The following FCRL2 variants were observed in gnomAD, a reference collection of about 807,000 sequenced individuals.
FCRL2 encodes Fc receptor like 2, also known as Fc receptor-like protein 2.
A neutral mutation model predicts 59.8 loss-of-function variants in FCRL2; 48 were observed. The ratio of observed to expected loss-of-function variants is 0.80; its 90% CI spans 0.64 to 1.02. FCRL2 has a LOEUF of 1.02. Ranked by LOEUF, FCRL2 falls within the 50% of genes least tolerant of loss-of-function variation. The pLI is 0.00. For synonymous variants in FCRL2, 251 were observed against 229.5 expected (o/e 1.09, Z -0.85); for missense variants, 658 against 597.3 (o/e 1.10, Z -1.06).
chr1:157,769,722 C>G (rs563212540), intron 4 of FCRL2, 144 bp downstream of exon 4: 2 of 1,014,612 alleles, frequency 2.0e-6, no homozygotes, highest in Non-Finnish European at 2.8e-6. Context: ...CCACCGCGCC[C>G]GGCCGCAACC....
chr1:157,770,069 C>T lies in FCRL2; in HGVS notation c.392G>A (p.Arg131Gln), dbSNP rs766083921. 12 of 1,614,018 alleles carry T rather than the reference C, an allele frequency of 7.4e-6. No individual in the cohort carries two copies. The highest frequency in any genetic ancestry group is 1.7e-5 in the Admixed American group (1 of 59,998). Residue 131 changes from arginine (R) to glutamine (Q), a missense_variant, in exon 4 of 12, where the codon CGG becomes CAG. Transcript: ENST00000361516. ...GGPVSLKCETRLSPQRLDVQL... is the reference protein window; with the variant it reads ...GGPVSLKCETQLSPQRLDVQL... The stretch of plus-strand genomic sequence containing the variant: ...AACATCCAACCTCTGTGGAGAGAGC[C>T]GGGTCTCACATTTCAGGCTCACTGG...
At chr1:157,767,622 C>G in intron 5 of FCRL2, 113 bp from the exon 6 acceptor site, 1 of 1,613,532 alleles carries the variant, frequency 6.2e-7, no homozygotes, top group Non-Finnish European at 8.5e-7. Context: ...TGCATATTTT[C>G]CATTCCCACA....
intron 10 of FCRL2, 34 bp from the exon 11 acceptor site, chr1:157,746,933 G>A (rs1418323654): frequency 1.2e-6 from 2 of 1,608,250 alleles, no homozygotes; most frequent in Non-Finnish European, 1.7e-6. Flanking sequence ...CTGAGCTCTT[G>A]CATTCTTAAT....
At chr1:157,761,354 G>A (rs907000114) in intron 7 of FCRL2, among the ~76,000 whole-genome samples, 1 of 152,180 alleles carries the variant, frequency 6.6e-6, no homozygotes, top group African/African-American at 2.4e-5. Context: ...GGTGGCTCAC[G>A]CCTGTAATCT....
chr1:157,753,100 G>A (rs1202222336), intron 7 of FCRL2, among the ~76,000 whole-genome samples: 1 of 152,154 alleles, frequency 6.6e-6, no homozygotes, highest in Non-Finnish European at 1.5e-5. Context: ...GATCTGAATA[G>A]TATCAGATAT....
rs375160209 is a variant in FCRL2, at chr1:157,766,730, G to A, written c.1279+125C>T. 175 of 1,483,882 alleles carry A rather than the reference G, an allele frequency of 1.2e-4. No individual in the cohort carries two copies. The East Asian group carries it at 2.4e-3, about 20-fold the overall frequency. 91.9% of individuals were successfully genotyped at this position (1,483,882 alleles called of 1,614,324 possible). A position where few individuals can be genotyped will look rare whatever the true frequency, so the allele number is the denominator to read the frequency against. ...GCACAGAGCCTTGCAGAATTATGAA[G>A]CATAAAAAGAAATTATTGGCTTTTG... On this transcript the variant is annotated intron_variant, in intron 7 of 11. Coordinates refer to ENST00000361516, the MANE Select transcript of FCRL2 (RefSeq NM_030764.4).
At chr1:157,776,170 C>G (rs886615600) in intron 1 of FCRL2, among the ~76,000 whole-genome samples, 1 of 152,204 alleles carries the variant, frequency 6.6e-6, no homozygotes, top group African/African-American at 2.4e-5. Context: ...AGGAAACATA[C>G]ATTGTGAGAG....
At chr1:157,770,311 A>G (rs750359460) in intron 3 of FCRL2, 98 bp downstream of exon 3, 3 of 1,475,506 alleles carry the variant, frequency 2.0e-6, no homozygotes, top group Non-Finnish European at 2.8e-6. Flanking sequence ...ACTCCCGTCT[A>G]TATTTAGCCC....
chr1:157,750,836 G>T (rs1300619376), intron 7 of FCRL2, among the ~76,000 whole-genome samples: 2 of 152,024 alleles, frequency 1.3e-5, no homozygotes, highest in Admixed American at 1.3e-4. Flanking sequence ...TTTTAAAATG[G>T]ACTTCAAAAA....
rs577204677 is a variant in FCRL2 at position 157,770,112 on chromosome 1, G to A, written c.349C>T (p.Gln117Ter). 1 of 1,614,146 alleles carries A rather than the reference G, an allele frequency of 6.2e-7. No homozygotes were observed. Among genetic ancestry groups the A allele is most frequent in the Non-Finnish European group, 8.5e-7 (1 of 1,180,036 alleles). Residue 117 changes from glutamine to a stop codon, truncating the protein, a stop_gained, in exon 4 of 12, where the codon CAG becomes TAG. Coordinates refer to ENST00000361516, the MANE Select transcript of FCRL2 (RefSeq NM_030764.4). LOFTEE classifies it high-confidence loss of function. ...QRPVLTASSF[Q>*]PIEGGPVSLK... ...CTCACTGGACCCCCTTCGATGGGCTGGAAGGAGCTGGCAGTCAGCACAGGA... is the reference window on the plus strand; with the variant it reads ...CTCACTGGACCCCCTTCGATGGGCTAGAAGGAGCTGGCAGTCAGCACAGGA...
rs1294540835 is a variant in FCRL2, at chr1:157,767,477, A to T, written c.916T>A (p.Ser306Thr). 1 of 1,614,090 alleles carries T rather than the reference A, an allele frequency of 6.2e-7. No homozygotes were observed. Among genetic ancestry groups the T allele is most frequent in the African/African-American group, 1.3e-5 (1 of 74,930 alleles). ...PVSRPVLTLRSPGAQAAVGDL... is the reference protein window; with the variant it reads ...PVSRPVLTLRTPGAQAAVGDL... ...CCCACTGCAGCCTGGGCCCCAGGAG[A>T]CCTGAGGGTGAGGACAGGGCGAGAC... Residue 306 changes from serine to threonine, a missense_variant, in exon 6 of 12, where the codon TCT becomes ACT. Coordinates refer to ENST00000361516, the MANE Select transcript of FCRL2 (RefSeq NM_030764.4).
At chr1:157,765,046 G>C (rs1208640751) in intron 7 of FCRL2, among the ~76,000 whole-genome samples, 1 of 152,054 alleles carries the variant, frequency 6.6e-6, no homozygotes, top group Non-Finnish European at 1.5e-5. Flanking sequence ...CCTTTGAAAA[G>C]ATCAACAAAA....
Position 157,746,693 on chromosome 1 carries a change from C to A in FCRL2, c.*43G>T. On this transcript the variant is annotated 3_prime_UTR_variant, in exon 12 of 12. Transcript: ENST00000361516. ...GGTTTTATAGCAAGTCTTAATGATGCCCCATCCTTGCTGTTGATCTTCCCT... is the reference window on the plus strand; with the variant it reads ...GGTTTTATAGCAAGTCTTAATGATGACCCATCCTTGCTGTTGATCTTCCCT... The A allele has an allele frequency of 6.3e-7, 1 of 1,583,586 alleles. No homozygotes were observed. Among genetic ancestry groups the A allele is most frequent in the Non-Finnish European group, 8.7e-7 (1 of 1,152,498 alleles).
chr1:157,764,986 T>C (rs531936507), intron 7 of FCRL2, among the ~76,000 whole-genome samples: 1 of 151,868 alleles, frequency 6.6e-6, no homozygotes, highest in South Asian at 2.1e-4. Flanking sequence ...CACAACTAAA[T>C]TAAATAGAGA....
intron 7 of FCRL2, among the ~76,000 whole-genome samples, chr1:157,758,309 C>A (rs371323062): frequency 6.6e-6 from 1 of 151,982 alleles, no homozygotes; most frequent in East Asian, 1.9e-4. Context: ...GGTAAAGAAG[C>A]GTAATATCAG....
intron 7 of FCRL2, among the ~76,000 whole-genome samples, chr1:157,753,630 C>A (rs753922875): frequency 6.6e-6 from 1 of 152,152 alleles, no homozygotes; most frequent in Non-Finnish European, 1.5e-5. Context: ...ATTTTTATAG[C>A]GGTCCCATTA....
In FCRL2 at chr1:157,768,563, C is replaced by T; in HGVS notation, c.734G>A (p.Gly245Glu). The change falls in exon 5 of 12, where the codon GGA (glycine) becomes GAA (glutamate). Residue 245 changes from glycine (G) to glutamate (E), a missense_variant. By Grantham distance (98) the Gly-to-Glu change is moderately conservative. Transcript: ENST00000361516. ...CTGGGTTTTCTTTCCCATACTGGTT[C>T]CTGTGGCCTCTCTGTACCAGGAGAA... is the stretch of plus-strand genomic sequence containing the variant. ...VTFSWYREATGTSMGKKTQRS... is the reference protein window; with the variant it reads ...VTFSWYREATETSMGKKTQRS... 5.0e-6 allele frequency: 8 copies of T among 1,614,234 alleles called. No individual in the cohort carries two copies. The highest frequency in any genetic ancestry group is 6.8e-6 in the Non-Finnish European group (8 of 1,180,044).
At chr1:157,770,924 A>G (rs536165424) in intron 2 of FCRL2, among the ~76,000 whole-genome samples, 18 of 152,314 alleles carry the variant, frequency 1.2e-4, no homozygotes, top group African/African-American at 4.3e-4. Context: ...GGACGTTGAA[A>G]GTCTGAGGTC....
At chr1:157,757,065 T>C (rs1355450785) in intron 7 of FCRL2, among the ~76,000 whole-genome samples, 1 of 152,246 alleles carries the variant, frequency 6.6e-6, no homozygotes. Flanking sequence ...TTTTGCAGTG[T>C]GACTCTGTCA....
Sources: gnomAD v4.1 joint callset for allele counts (sites outside exome capture counted in the v4.1 genomes callset) on GRCh38, gnomAD v4.1.1 for gene constraint, MANE v1.5 for transcripts, NCBI Gene and HGNC (gene_info 2026-07-23, HGNC 2026-07-21) for gene names.